LRIG3: variants seen among roughly 807,000 people sequenced by gnomAD.
LRIG3 encodes leucine rich repeats and immunoglobulin like domains 3, also known as leucine-rich repeats and immunoglobulin-like domains protein 3.
Under a neutral mutation model 114.5 loss-of-function variants are expected in LRIG3, and 76 were observed. The observed-to-expected ratio is 0.66, with a 90% CI of 0.55 to 0.80. The LOEUF (loss-of-function observed/expected upper bound fraction) is 0.80, where lower values mean the gene tolerates loss of function less well. Among genes scored for constraint, LRIG3 ranks in the 30% least tolerant of loss-of-function variants. The pLI is 0.00. For missense variants in LRIG3, 1,239 were observed against 1,382.8 expected (o/e 0.90, Z 1.65); for synonymous variants, 512 against 519.8 (o/e 0.98, Z 0.20).
chr12:58,919,680 C>T, intron 1 of LRIG3: 1 of 1,143,028 alleles, frequency 8.7e-7, no homozygotes, highest in Non-Finnish European at 1.2e-6. Flanking sequence ...CAGGAGCAAG[C>T]ATTTGAACCC....
intron 8 of LRIG3, 121 bp from the exon 9 acceptor site, chr12:58,887,011 T>C: frequency 4.8e-6 from 3 of 631,560 alleles, no homozygotes; most frequent in Non-Finnish European, 5.5e-6. Flanking sequence ...TCCACCTCTC[T>C]CAAAATAATA....
chr12:58,877,364 A>T, intron 15 of LRIG3, 36 bp downstream of exon 15: 1 of 1,594,748 alleles, frequency 6.3e-7, no homozygotes. Flanking sequence ...AATACACATG[A>T]CTCCGGTGAC....
chr12:58,899,627 T>C (rs987753072), intron 3 of LRIG3, among the ~76,000 whole-genome samples: 2 of 152,212 alleles, frequency 1.3e-5, no homozygotes. Flanking sequence ...TGTTTTGATG[T>C]TCCTTTCTCC....
In LRIG3 at chr12:58,887,863, T is replaced by C. The variant is rs866707968; in HGVS notation, c.1017A>G (p.Thr339=). 7 of 1,613,920 alleles carry C rather than the reference T, an allele frequency of 4.3e-6. No homozygotes were observed. The Middle Eastern group carries it at 4.9e-4, about 114-fold the overall frequency. ...TGACTCTGTTGTTCCCAATGTGCAG[T>C]GTATTTAGTAAGCTTAGGCCAAGGA... ...SSFLGLSLLN[T]LHIGNNRVSY... is the part of the protein sequence containing the mutation. The change falls in exon 8 of 19, where the codon ACA becomes ACG. Residue 339 remains threonine, a synonymous_variant. Coordinates refer to ENST00000320743, the MANE Select transcript of LRIG3 (RefSeq NM_153377.5).
chr12:58,878,707 G>A (rs1421180804), intron 14 of LRIG3, 117 bp downstream of exon 14: 1 of 1,192,404 alleles, frequency 8.4e-7, no homozygotes, highest in African/African-American at 1.5e-5. Flanking sequence ...CTAGGAAAAG[G>A]CAATGCCCCA....
chr12:58,887,482 TTTTAC>T (rs1255888546), intron 8 of LRIG3, among the ~76,000 whole-genome samples: 2 of 149,872 alleles, frequency 1.3e-5, no homozygotes, highest in Non-Finnish European at 2.9e-5. Context: ...TTAATCTGTA[TTTTAC>T]AAAGAAAAAC....
intron 3 of LRIG3, among the ~76,000 whole-genome samples, chr12:58,910,997 C>CT (rs76831758): frequency 0.12 from 18,678 of 152,188 alleles, 2,249 homozygotes; most frequent in African/African-American, 0.31. Flanking sequence ...TATTCCACTT[C>CT]TTTAAAATAT....
intron 13 of LRIG3, among the ~76,000 whole-genome samples, chr12:58,879,563 G>GGCCACA (rs1871048390): frequency 6.6e-6 from 1 of 152,066 alleles, no homozygotes; most frequent in South Asian, 2.1e-4. Context: ...CTATGTGCCA[G>GGCCACA]GCCACAGCCA....
At chr12:58,919,335 G>A in intron 1 of LRIG3, 7 of 1,527,388 alleles carry the variant, frequency 4.6e-6, no homozygotes, top group Admixed American at 2.0e-5. Context: ...AGGAGCTACA[G>A]AAATCACGCC....
Position 58,876,438 on chromosome 12 carries a change from C to A in LRIG3, c.2695+7G>T, listed in dbSNP as rs995808041. On this transcript the variant is annotated splice_region_variant and intron_variant, in intron 16 of 18. Transcript: ENST00000320743. The stretch of plus-strand genomic sequence containing the variant: ...AATTACAGCCCACATTCATTTTAAA[C>A]ACTTACCACTACTGTCATGTTGTGG... 1 of 1,613,236 alleles carries A rather than the reference C, an allele frequency of 6.2e-7. No homozygotes were observed.
At chr12:58,910,882 A>G (rs537082676) in intron 3 of LRIG3, among the ~76,000 whole-genome samples, 2 of 152,218 alleles carry the variant, frequency 1.3e-5, no homozygotes, top group South Asian at 4.1e-4. Context: ...CGAGCAGGTC[A>G]TTCCACACCA....
At chr12:58,893,795 A>C (rs536100947) in intron 3 of LRIG3, among the ~76,000 whole-genome samples, 1 of 152,280 alleles carries the variant, frequency 6.6e-6, no homozygotes, top group South Asian at 2.1e-4. Context: ...GAAGTGCCCG[A>C]GTGCCCCTCT....
At chr12:58,885,721 C>A in intron 10 of LRIG3, 110 bp downstream of exon 10, 2 of 607,560 alleles carry the variant, frequency 3.3e-6, no homozygotes, top group Non-Finnish European at 5.4e-6. Flanking sequence ...TTTATGGAAC[C>A]GGAAGGATGC....
At position 58,914,466 on chromosome 12, in the gene LRIG3, C is replaced by T; in HGVS notation, c.237-130G>A. On this transcript the variant is annotated intron_variant, in intron 1 of 18. Coordinates refer to ENST00000320743, the MANE Select transcript of LRIG3 (RefSeq NM_153377.5). Reference sequence around the variant, plus strand: ...ATAATTGGTCTATTCTGTCCACAAACTAGATGGCAACCAAAATGCCAAACT... The same window carrying T: ...ATAATTGGTCTATTCTGTCCACAAATTAGATGGCAACCAAAATGCCAAACT... 7 of 652,450 alleles carry T rather than the reference C, an allele frequency of 1.1e-5. No homozygotes were observed. The South Asian group carries it at 1.7e-4, about 16-fold the overall frequency. 40.4% of individuals were successfully genotyped at this position (652,450 alleles called of 1,614,324 possible).
At chr12:58,873,658 CGGGTTCA>C (rs1870810459) in intron 18 of LRIG3, 1 of 199,710 alleles carries the variant, frequency 5.0e-6, no homozygotes, top group African/African-American at 2.3e-5. Context: ...CCTTCGACTG[CGGGTTCA>C]GTTGGAAGCC....
chr12:58,878,095 T>C (rs1186598210), intron 14 of LRIG3, among the ~76,000 whole-genome samples: 1 of 152,124 alleles, frequency 6.6e-6, no homozygotes. Flanking sequence ...TTCCCTCACT[T>C]TTGCAAAAGT....
At chr12:58,909,423 C>G (rs748965476) in intron 3 of LRIG3, among the ~76,000 whole-genome samples, 2 of 152,212 alleles carry the variant, frequency 1.3e-5, no homozygotes, top group Non-Finnish European at 2.9e-5. Context: ...CTGATGTTAT[C>G]TTTTCTTTTC....
In LRIG3 at chr12:58,885,855, G is replaced by A. The variant is rs778294906; in HGVS notation, c.1220C>T (p.Thr407Ile). Residue 407 changes from threonine to isoleucine, a missense_variant, in exon 10 of 19, where the codon ACT becomes ATT. Coordinates refer to ENST00000320743, the MANE Select transcript of LRIG3 (RefSeq NM_153377.5). ...RIRSITKKAF[T>I]GLDALEHLDL... ...CAGATGCTCCAATGCATCCAAACCA[G>A]TGAAGGCTTTTTTAGTAATAGAACG... is the stretch of plus-strand genomic sequence containing the variant. 9 of 1,590,712 alleles carry A rather than the reference G, an allele frequency of 5.7e-6. No individual in the cohort carries two copies. The highest frequency in any genetic ancestry group is 4.6e-5 in the East Asian group (2 of 43,750).
intron 10 of LRIG3, 44 bp downstream of exon 10, chr12:58,885,787 T>A: frequency 2.2e-6 from 3 of 1,357,002 alleles, no homozygotes; most frequent in Non-Finnish European, 3.0e-6. Flanking sequence ...GTAAAAACCA[T>A]CTTAGAGATT....
Sources: allele counts gnomAD v4.1 joint callset (sites outside exome capture counted in the v4.1 genomes callset), GRCh38; gene constraint gnomAD v4.1.1; transcripts MANE v1.5; gene names NCBI Gene and HGNC (gene_info 2026-07-23, HGNC 2026-07-21).